SLC7A6: variants seen among roughly 807,000 people sequenced by gnomAD.
The protein encoded by SLC7A6 is Y+L amino acid transporter 2.
Under a neutral mutation model 46.6 loss-of-function variants are expected in SLC7A6, and 29 were observed. The ratio of observed to expected loss-of-function variants is 0.62; its 90% CI spans 0.46 to 0.85. SLC7A6 has a LOEUF of 0.85. Ranked by LOEUF, SLC7A6 falls within the 40% of genes least tolerant of loss-of-function variation. The pLI, the probability that SLC7A6 is intolerant of heterozygous loss-of-function variation, is 0.00. For synonymous variants in SLC7A6, 276 were observed against 257.3 expected, an observed-to-expected ratio of 1.07 and a Z score of -0.70; for missense variants, 527 against 647.6, an observed-to-expected ratio of 0.81 and a Z score of 2.02.
At chr16:68,271,569 T>C (rs1016300971) in intron 2 of SLC7A6, among the ~76,000 whole-genome samples, 1 of 152,128 alleles carries the variant, frequency 6.6e-6, no homozygotes, top group Non-Finnish European at 1.5e-5. Context: ...CCTCCCAAAG[T>C]GCTGGGATCA....
chr16:68,294,184 A>G (rs1040937887), intron 7 of SLC7A6, among the ~76,000 whole-genome samples: 1 of 152,154 alleles, frequency 6.6e-6, no homozygotes, highest in African/African-American at 2.4e-5. Flanking sequence ...ATGAGCCACC[A>G]TGCCTGGACG....
intron 2 of SLC7A6, among the ~76,000 whole-genome samples, chr16:68,267,123 C>T (rs567111382): frequency 3.3e-5 from 5 of 150,358 alleles, no homozygotes; most frequent in South Asian, 2.1e-4. Flanking sequence ...TTAGTAGAGA[C>T]GGGGCTTTAC....
intron 6 of SLC7A6, 23 bp downstream of exon 6, chr16:68,291,355 T>G: frequency 6.2e-7 from 1 of 1,613,158 alleles, no homozygotes; most frequent in Non-Finnish European, 8.5e-7. Flanking sequence ...GGATCCCCAT[T>G]TGTTCATCAT....
At chr16:68,295,062 A>G (rs1162554935) in intron 8 of SLC7A6, among the ~76,000 whole-genome samples, 1 of 152,192 alleles carries the variant, frequency 6.6e-6, no homozygotes, top group African/African-American at 2.4e-5. Flanking sequence ...AGCTATACCA[A>G]TATCGCTCAC....
chr16:68,275,170 C>T lies in SLC7A6; in HGVS notation c.444C>T (p.Ala148=). ...AGGCCATCATCGCCATCACCTTTGC[C>T]AACTACATCATCCAGCCGTCCTTCC... ...TGQAIIAITF[A]NYIIQPSFPS... The change falls in exon 3 of 11, where the codon GCC becomes GCT. Residue 148 remains alanine, a synonymous_variant. Coordinates refer to ENST00000219343, the MANE Select transcript of SLC7A6 (RefSeq NM_003983.6). 3 of 1,614,006 alleles carry T rather than the reference C, an allele frequency of 1.9e-6. No individual in the cohort carries two copies. Among genetic ancestry groups the T allele is most frequent in the African/African-American group, 2.7e-5 (2 of 74,944 alleles).
intron 3 of SLC7A6, among the ~76,000 whole-genome samples, chr16:68,279,993 T>A (rs190861720): frequency 1.1e-4 from 17 of 152,350 alleles, no homozygotes; most frequent in Admixed American, 1.1e-3. Context: ...CATAAAACCA[T>A]ATTCTCTTCC....
intron 2 of SLC7A6, chr16:68,272,938 G>A (rs1015160323): frequency 6.6e-5 from 10 of 152,324 alleles, no homozygotes; most frequent in African/African-American, 2.4e-4. Context: ...ACAGGCACAT[G>A]AAAACAAATA....
rs992801503 is a variant in SLC7A6 at position 68,301,314 on chromosome 16, C to T, written c.*3986C>T. ...GGTCGTGGGGGCTGTCATAGCCGAA[C>T]TCCTTCTGCACATCCAGAGGGTACT... On this transcript the variant is annotated 3_prime_UTR_variant, in exon 11 of 11. Transcript: ENST00000219343. The T allele has an allele frequency of 6.2e-7, 1 of 1,614,132 alleles. No individual in the cohort carries two copies. Among genetic ancestry groups the T allele is most frequent in the African/African-American group, 1.3e-5 (1 of 75,038 alleles).
rs1318046889 is a variant in SLC7A6, at chr16:68,301,498, C to G, written c.*4170C>G. 3.7e-6 allele frequency: 4 copies of G among 1,079,726 alleles called. No homozygotes were observed. Among genetic ancestry groups the G allele is most frequent in the Non-Finnish European group, 5.3e-6 (4 of 759,866 alleles). 66.9% of individuals were successfully genotyped at this position (1,079,726 alleles called of 1,614,324 possible). ...TTCTCAGAAAGGTCTGTTTTTGTTC[C>G]CGATTGTAATGCAAAATCCTTGCTC... On this transcript the variant is annotated 3_prime_UTR_variant, in exon 11 of 11. Transcript: ENST00000219343.
rs569784192 is a variant in SLC7A6, at chr16:68,283,612, C to G, written c.524-4134C>G. Among the ~76,000 whole-genome samples the G allele has an allele frequency of 1.5e-4, 15 of 101,732 alleles. No homozygotes were observed. In the South Asian group the frequency reaches 3.7e-3, roughly 25 times the overall value. The allele number at this position is 101,732 out of a possible 152,430, so 66.7% of individuals were successfully genotyped here. A position where few individuals can be genotyped will look rare whatever the true frequency, so the allele number is the denominator to read the frequency against. ...GGGAAGAACAGATAGAGGAAGATAACTAGCCATGTCTGCCACAGAGACTTT... is the reference window on the plus strand; with the variant it reads ...GGGAAGAACAGATAGAGGAAGATAAGTAGCCATGTCTGCCACAGAGACTTT... On this transcript the variant is annotated intron_variant, in intron 3 of 10. Transcript: ENST00000219343.
rs2043265985 is a variant in SLC7A6 at position 68,301,195 on chromosome 16, A to G, written c.*3867A>G. ...CACATGTTAAGCTAGGAAACCTAAC[A>G]GGATGTCAGCAGGGCAGTTAACTCT... On this transcript the variant is annotated 3_prime_UTR_variant, in exon 11 of 11. Transcript: ENST00000219343. 1.3e-6 allele frequency: 2 copies of G among 1,535,392 alleles called. No individual in the cohort carries two copies. The highest frequency in any genetic ancestry group is 1.9e-5 in the Admixed American group (1 of 52,292).
At chr16:68,291,174 G>A (rs2043042569) in intron 5 of SLC7A6, 35 bp from the exon 6 acceptor site, 1 of 1,613,828 alleles carries the variant, frequency 6.2e-7, no homozygotes, top group African/African-American at 1.3e-5. Context: ...AGGAGAGGTT[G>A]GTTCTAGGTA....
At chr16:68,293,102 G>GCT (rs1297606043) in intron 7 of SLC7A6, among the ~76,000 whole-genome samples, 1 of 152,154 alleles carries the variant, frequency 6.6e-6, no homozygotes, top group African/African-American at 2.4e-5. Flanking sequence ...AAGAATTAGA[G>GCT]AAGTCAAGGC....
chr16:68,290,361 C>A lies in SLC7A6; in HGVS notation c.650-35C>A, dbSNP rs547483662. On this transcript the variant is annotated intron_variant, in intron 4 of 10. Transcript: ENST00000219343. ...TCCTTTCTCCTTTGGCCTGTTCCTT[C>A]TCTCTGAACCCCTCACCTGCCTTTG... 3 of 1,612,656 alleles carry A rather than the reference C, an allele frequency of 1.9e-6. No homozygotes were observed. The South Asian group carries it at 3.3e-5, about 18-fold the overall frequency.
At chr16:68,293,586 CTG>C (rs2043101987) in intron 7 of SLC7A6, among the ~76,000 whole-genome samples, 1 of 152,336 alleles carries the variant, frequency 6.6e-6, no homozygotes, top group Non-Finnish European at 1.5e-5. Context: ...CCACAGCTGA[CTG>C]TGTTTGTTCA....
intron 2 of SLC7A6, chr16:68,273,683 G>T (rs1353585416): frequency 6.6e-6 from 1 of 152,018 alleles, no homozygotes; most frequent in Non-Finnish European, 1.5e-5. Context: ...CTTCTCTTTC[G>T]GGTACTTTGG....
At chr16:68,289,504 C>G (rs1039986236) in intron 4 of SLC7A6, among the ~76,000 whole-genome samples, 2 of 152,110 alleles carry the variant, frequency 1.3e-5, no homozygotes, top group Non-Finnish European at 2.9e-5. Flanking sequence ...AGAATGGACA[C>G]CCCTGAGGAC....
Position 68,300,564 on chromosome 16 carries a change from G to A in SLC7A6, c.*3236G>A, listed in dbSNP as rs1252334101. On this transcript the variant is annotated 3_prime_UTR_variant, in exon 11 of 11. Transcript: ENST00000219343. ...ATGCTGAACCTTCTATTTCACTACC[G>A]CTCCCTGTTTTAGATATTCAGATTT... The A allele has an allele frequency of 3.5e-5, 33 of 944,832 alleles. No homozygotes were observed. Among genetic ancestry groups the A allele is most frequent in the Non-Finnish European group, 3.9e-5 (31 of 793,240 alleles). The allele number at this position is 944,832 out of a possible 1,614,324, so 58.5% of individuals were successfully genotyped here.
At chr16:68,296,585 C>G in intron 9 of SLC7A6, 42 bp from the exon 10 acceptor site, 5 of 1,613,546 alleles carry the variant, frequency 3.1e-6, no homozygotes, top group Non-Finnish European at 4.2e-6. Flanking sequence ...CGAGCTGTTT[C>G]CTCTTCCCAC....
Sources: gnomAD v4.1 joint callset for allele counts (sites outside exome capture counted in the v4.1 genomes callset) on GRCh38, gnomAD v4.1.1 for gene constraint, MANE v1.5 for transcripts, NCBI Gene and HGNC (gene_info 2026-07-23, HGNC 2026-07-21) for gene names.